The following EPHA6 variants were observed in gnomAD, a reference collection of about 807,000 sequenced individuals.
EPHA6 encodes EPH receptor A6, also known as ephrin type-A receptor 6.
Under a neutral mutation model 112.0 loss-of-function variants are expected in EPHA6, and 50 were observed. The observed-to-expected ratio is 0.45, with a 90% confidence interval of 0.36 to 0.56. The LOEUF (loss-of-function observed/expected upper bound fraction) is 0.56, where lower values mean the gene tolerates loss of function less well. Among genes scored for constraint, EPHA6 ranks in the 20% least tolerant of loss-of-function variants. The probability of loss-of-function intolerance (pLI) is 0.00; values close to 1 mark genes in which losing one functional copy is unlikely to be tolerated. For synonymous variants in EPHA6, 529 were observed against 490.7 expected (o/e 1.08, Z -1.03); for missense variants, 1,280 against 1,417.4 (o/e 0.90, Z 1.56).
At chr3:97,047,815 A>G (rs1345677976) in intron 3 of EPHA6, among the ~76,000 whole-genome samples, 3 of 152,154 alleles carry the variant, frequency 2.0e-5, no homozygotes, top group Admixed American at 2.0e-4. Context: ...CCATATCAAG[A>G]CATGGGTTAT....
intron 2 of EPHA6, among the ~76,000 whole-genome samples, chr3:96,918,555 A>G (rs979273889): frequency 1.3e-5 from 2 of 152,062 alleles, no homozygotes; most frequent in African/African-American, 4.8e-5. Context: ...AATCAAATAC[A>G]GTGCAATTTT....
At chr3:97,037,528 A>G (rs79436989) in intron 3 of EPHA6, among the ~76,000 whole-genome samples, 6,088 of 152,130 alleles carry the variant, frequency 0.04, 161 homozygotes, top group Middle Eastern at 0.071. Flanking sequence ...GATTGAGGGA[A>G]GAGATAAAGT....
intron 2 of EPHA6, among the ~76,000 whole-genome samples, chr3:96,956,770 C>T: frequency 6.6e-6 from 1 of 152,110 alleles, no homozygotes; most frequent in African/African-American, 2.4e-5. Context: ...TGCAGTGGTT[C>T]AGGCCTGTAA....
At chr3:96,937,287 A>G (rs2040644432) in intron 2 of EPHA6, among the ~76,000 whole-genome samples, 1 of 152,132 alleles carries the variant, frequency 6.6e-6, no homozygotes, top group African/African-American at 2.4e-5. Flanking sequence ...TGACTTTTTA[A>G]TGATCGCCAT....
chr3:97,329,644 A>G (rs888932612), intron 5 of EPHA6, among the ~76,000 whole-genome samples: 2 of 151,874 alleles, frequency 1.3e-5, no homozygotes, highest in Non-Finnish European at 2.9e-5. Context: ...CATATCCTTC[A>G]CCCACTTTTT....
chr3:97,095,646 G>A (rs899077498), intron 3 of EPHA6, among the ~76,000 whole-genome samples: 4 of 151,844 alleles, frequency 2.6e-5, no homozygotes, highest in African/African-American at 9.7e-5. Context: ...TAAGTGATGT[G>A]TGGCCATATG....
intron 2 of EPHA6, among the ~76,000 whole-genome samples, chr3:96,941,387 G>A (rs910937908): frequency 8.6e-5 from 13 of 152,044 alleles, no homozygotes; most frequent in South Asian, 6.2e-4. Context: ...CCAGTTGATC[G>A]CATCGGCTCC....
At chr3:97,179,091 G>A (rs1008059881) in intron 3 of EPHA6, among the ~76,000 whole-genome samples, 4 of 151,802 alleles carry the variant, frequency 2.6e-5, no homozygotes, top group African/African-American at 9.7e-5. Flanking sequence ...CTCTAACTGT[G>A]TATTTTCAAA....
At chr3:97,068,467 G>A (rs1404595856) in intron 3 of EPHA6, among the ~76,000 whole-genome samples, 2 of 152,100 alleles carry the variant, frequency 1.3e-5, no homozygotes, top group African/African-American at 4.8e-5. Flanking sequence ...GCTGTAAGAA[G>A]AGAATAGTCA....
chr3:97,295,607 A>G (rs532527423), intron 5 of EPHA6, among the ~76,000 whole-genome samples: 1 of 139,864 alleles, frequency 7.1e-6, no homozygotes, highest in African/African-American at 2.7e-5. Context: ...CCTTGTAAAC[A>G]TTTCCTTTTT....
At chr3:96,983,896 C>A (rs1422416781) in intron 2 of EPHA6, among the ~76,000 whole-genome samples, 3 of 152,112 alleles carry the variant, frequency 2.0e-5, no homozygotes, top group African/African-American at 7.2e-5. Context: ...CATGGTTTTC[C>A]ACTCCATCAG....
In EPHA6 at chr3:97,648,362, T is replaced by A. The variant is rs368580013; in HGVS notation, c.2784+10280T>A. 1.6e-5 allele frequency: 26 copies of A among 1,593,566 alleles called. No individual in the cohort carries two copies. The African/African-American group carries it at 2.7e-4, about 16-fold the overall frequency. On this transcript the variant is annotated intron_variant, in intron 14 of 17. Coordinates refer to ENST00000389672, the MANE Select transcript of EPHA6 (RefSeq NM_001080448.3). ...AGAAAAGCCAAATTTTCTGTCGGTC[T>A]AAGAAGACATAGCCTACACCCAACT...
At chr3:97,270,740 A>C (rs1559841843) in intron 5 of EPHA6, among the ~76,000 whole-genome samples, 1 of 152,224 alleles carries the variant, frequency 6.6e-6, no homozygotes, top group Non-Finnish European at 1.5e-5. Flanking sequence ...AGTTTAGAGG[A>C]TCTTCATGAT....
intron 3 of EPHA6, among the ~76,000 whole-genome samples, chr3:97,062,121 T>C (rs1189450918): frequency 1.3e-5 from 2 of 152,102 alleles, no homozygotes; most frequent in African/African-American, 2.4e-5. Flanking sequence ...GAATGAGTAT[T>C]ATAGGAATAC....
At chr3:96,985,272 T>G (rs1266749353) in intron 2 of EPHA6, among the ~76,000 whole-genome samples, 1 of 152,212 alleles carries the variant, frequency 6.6e-6, no homozygotes, top group Non-Finnish European at 1.5e-5. Context: ...TGTATATGCA[T>G]TCCCTGAGAA....
At position 97,758,643 on chromosome 3, in the gene EPHA6, A is replaced by G. The variant is rs963315680; in HGVS notation, c.*9942A>G. Among the ~76,000 whole-genome samples the G allele has an allele frequency of 6.6e-6, 1 of 151,930 alleles. No individual in the cohort carries two copies. Among genetic ancestry groups the G allele is most frequent in the African/African-American group, 2.4e-5 (1 of 41,402 alleles). ...AGAAATAGTGATGTGCTGTGCTTAT[A>G]ATTAAAAATGTTACATAGCATGACT... On this transcript the variant is annotated 3_prime_UTR_variant, in exon 18 of 18. Coordinates refer to ENST00000389672, the MANE Select transcript of EPHA6 (RefSeq NM_001080448.3).
chr3:97,475,110 T>C (rs2091331947), intron 7 of EPHA6, among the ~76,000 whole-genome samples: 1 of 150,840 alleles, frequency 6.6e-6, no homozygotes, highest in South Asian at 2.1e-4. Flanking sequence ...TCATCTACTT[T>C]ATTGATCTTT....
intron 5 of EPHA6, among the ~76,000 whole-genome samples, chr3:97,334,012 G>A (rs192105800): frequency 6.6e-6 from 1 of 152,070 alleles, no homozygotes; most frequent in African/African-American, 2.4e-5. Flanking sequence ...TTTATCATAA[G>A]TGAGTGTTGG....
In EPHA6 at chr3:97,648,406, T is replaced by A. The variant is rs1379760452; in HGVS notation, c.2784+10324T>A. ...CCCAACTGGAGATAATTATAAAAAA[T>A]AATGAAGCAGCATGAGGGGAAGGTA... On this transcript the variant is annotated intron_variant, in intron 14 of 17. Coordinates refer to ENST00000389672, the MANE Select transcript of EPHA6 (RefSeq NM_001080448.3). 4 of 1,522,904 alleles carry A rather than the reference T, an allele frequency of 2.6e-6. No individual in the cohort carries two copies. In the African/African-American group the frequency reaches 5.6e-5, roughly 21 times the overall value. 94.3% of individuals were successfully genotyped at this position (1,522,904 alleles called of 1,614,324 possible). A position where few individuals can be genotyped will look rare whatever the true frequency, so the allele number is the denominator to read the frequency against.
Sources: allele counts gnomAD v4.1 joint callset (sites outside exome capture counted in the v4.1 genomes callset), GRCh38; gene constraint gnomAD v4.1.1; transcripts MANE v1.5; gene names NCBI Gene and HGNC (gene_info 2026-07-23, HGNC 2026-07-21).